SATB1: variants seen among roughly 807,000 people sequenced by gnomAD.
SATB1 encodes DNA-binding protein SATB1.
SATB1 carries 11 observed loss-of-function variants against 86.9 expected under a neutral mutation model. The observed-to-expected ratio is 0.13, with a 90% confidence interval of 0.08 to 0.21. The LOEUF (loss-of-function observed/expected upper bound fraction) is 0.21. Among genes scored for constraint, SATB1 ranks in the 10% least tolerant of loss-of-function variants. The pLI is 1.00. For synonymous variants in SATB1, 357 were observed against 357.2 expected (o/e 1.00, Z 0.01); for missense variants, 551 against 937.6 (o/e 0.59, Z 5.39).
chr3:18,401,394 C>T (rs1367323603), intron 5 of SATB1, among the ~76,000 whole-genome samples: 2 of 152,040 alleles, frequency 1.3e-5, no homozygotes, highest in South Asian at 4.2e-4. Context: ...TGCAAGAGAT[C>T]CCTTCCCAGG....
chr3:18,405,832 A>G (rs1697504969), intron 5 of SATB1, among the ~76,000 whole-genome samples: 3 of 151,942 alleles, frequency 2.0e-5, no homozygotes, highest in African/African-American at 7.2e-5. Flanking sequence ...TTTATTCATC[A>G]TTGTCAGCTT....
At chr3:18,417,772 G>C (rs921575150) in intron 2 of SATB1, 3 of 656,602 alleles carry the variant, frequency 4.6e-6, no homozygotes, top group Non-Finnish European at 8.2e-6. Context: ...AAGAGAGCAC[G>C]GTACCCATAA....
Position 18,416,042 on chromosome 3 carries a change from C to T in SATB1, c.480G>A (p.Val160=), listed in dbSNP as rs1698096141. The T allele has an allele frequency of 2.5e-6, 4 of 1,606,526 alleles. No homozygotes were observed. Among genetic ancestry groups the T allele is most frequent in the Non-Finnish European group, 3.4e-6 (4 of 1,175,488 alleles). ...GAATTTTCAATGTGACCACATGATA[C>T]ACATCTTGAAGCATATCTGCTACTG... ...DATVADMLQD[V]YHVVTLKIQL... is the part of the protein sequence containing the mutation. Residue 160 remains valine, a synonymous_variant, in exon 4 of 11, where the codon GTG becomes GTA. Coordinates refer to ENST00000338745, the MANE Select transcript of SATB1 (RefSeq NM_002971.6).
rs1694059756 is a variant in SATB1, at chr3:18,346,421, A to G, written c.*2749T>C. 6.6e-6 allele frequency: 1 copy of G among 152,154 alleles called. No homozygotes were observed. Among genetic ancestry groups the G allele is most frequent in the South Asian group, 2.1e-4 (1 of 4,834 alleles). 9.4% of individuals were successfully genotyped at this position (152,154 alleles called of 1,614,324 possible). A position where few individuals can be genotyped will look rare whatever the true frequency, so the allele number is the denominator to read the frequency against. On this transcript the variant is annotated 3_prime_UTR_variant, in exon 11 of 11. Transcript: ENST00000338745. ...CAATGAAGCTTGTTAAAGGAATTTTACCATAGCCACAGGTAACAAGAGGAG... is the reference window on the plus strand; with the variant it reads ...CAATGAAGCTTGTTAAAGGAATTTTGCCATAGCCACAGGTAACAAGAGGAG...
intron 6 of SATB1, among the ~76,000 whole-genome samples, chr3:18,396,809 T>C (rs1358500433): frequency 6.6e-6 from 1 of 152,122 alleles, no homozygotes; most frequent in East Asian, 1.9e-4. Context: ...AAATAGGCAC[T>C]TTCTCATTCA....
At chr3:18,425,438 A>G (rs1698646844), upstream of SATB1, 1 of 144,466 alleles carries the variant, frequency 6.9e-6, no homozygotes, top group African/African-American at 2.6e-5. Context: ...GGCAGGGTGC[A>G]CGGAGCGGGC....
intron 9 of SATB1, among the ~76,000 whole-genome samples, chr3:18,375,693 T>C (rs572660374): frequency 8.5e-5 from 13 of 152,294 alleles, no homozygotes; most frequent in African/African-American, 3.1e-4. Context: ...CTTTTCCTTA[T>C]TAAGTCGGGT....
intron 10 of SATB1, chr3:18,351,096 C>A (rs1694334718): frequency 1.8e-6 from 1 of 547,988 alleles, no homozygotes; most frequent in African/African-American, 1.9e-5. Flanking sequence ...ACTTTTCCAT[C>A]TAAATTCACA....
chr3:18,346,265 A>C lies in SATB1; in HGVS notation c.*2905T>G, dbSNP rs765616309. On this transcript the variant is annotated 3_prime_UTR_variant, in exon 11 of 11. Transcript: ENST00000338745. ...AAATTAGTGGCAAAGTGCTGAGTGAAGGGAATCCATGACAGATTCAGATGC... is the reference window on the plus strand; with the variant it reads ...AAATTAGTGGCAAAGTGCTGAGTGACGGGAATCCATGACAGATTCAGATGC... The C allele has an allele frequency of 2.6e-5, 4 of 152,154 alleles. No homozygotes were observed. The highest frequency in any genetic ancestry group is 4.4e-5 in the Non-Finnish European group (3 of 67,996). 9.4% of individuals were successfully genotyped at this position (152,154 alleles called of 1,614,324 possible).
intron 2 of SATB1, 199 bp downstream of exon 2, chr3:18,420,558 G>C: frequency 1.7e-6 from 1 of 586,830 alleles, no homozygotes; most frequent in East Asian, 2.9e-5. Context: ...GTCTACAGTA[G>C]AACGCTCCAC....
rs185859719 is a variant in SATB1 at position 18,357,603 on chromosome 3, T to G, written c.1576-5408A>C. Among the ~76,000 whole-genome samples the G allele has an allele frequency of 4.0e-5, 6 of 150,684 alleles. No homozygotes were observed. In the East Asian group the frequency reaches 1.2e-3, roughly 29 times the overall value. On this transcript the variant is annotated intron_variant, in intron 9 of 10. Transcript: ENST00000338745. Reference sequence around the variant, plus strand: ...GCACTCAAGGGTAATTTCATATCAGTGTGTTCTACAAGCTGGGGGAAAATG... The same window carrying G: ...GCACTCAAGGGTAATTTCATATCAGGGTGTTCTACAAGCTGGGGGAAAATG...
In SATB1 at chr3:18,355,648, AC is replaced by A. The variant is rs200018736; in HGVS notation, c.1576-3454del. ...AAATGCAGTGCTTTGTTGCAAAAAG[AC>A]AAAAAAAACACCAACAAAACAAAAC... On this transcript the variant is annotated intron_variant, in intron 9 of 10. Coordinates refer to ENST00000338745, the MANE Select transcript of SATB1 (RefSeq NM_002971.6). Among the ~76,000 whole-genome samples the A allele has an allele frequency of 3.2e-3, 487 of 151,942 alleles. 1 individual carries two copies. Among genetic ancestry groups the A allele is most frequent in the African/African-American group, 0.011 (439 of 41,454 alleles).
intron 8 of SATB1, among the ~76,000 whole-genome samples, chr3:18,381,946 G>T (rs1031327344): frequency 2.0e-5 from 3 of 151,998 alleles, no homozygotes; most frequent in Non-Finnish European, 4.4e-5. Flanking sequence ...GCCTTTAAAA[G>T]TCTTCCAGCT....
intron 1 of SATB1, among the ~76,000 whole-genome samples, chr3:18,438,235 T>A (rs930209403): frequency 6.6e-6 from 1 of 152,194 alleles, no homozygotes; most frequent in African/African-American, 2.4e-5. Context: ...TATAGAGGAA[T>A]CTCTAGCAAT....
At position 18,394,614 on chromosome 3, in the gene SATB1, G is replaced by T. The variant is rs768225783; in HGVS notation, c.1054C>A (p.Pro352Thr). The T allele has an allele frequency of 1.2e-6, 2 of 1,614,162 alleles. No individual in the cohort carries two copies. Among genetic ancestry groups the T allele is most frequent in the Non-Finnish European group, 1.7e-6 (2 of 1,180,034 alleles). ...GGCTTATTCATAGATCTACTGACAG[G>T]GGGAGGGTGGTTCAAGTATTGTTGG... Reference protein sequence around the residue: ...LNQQYLNHPPPVSRSMNKPLE... With the variant: ...LNQQYLNHPPTVSRSMNKPLE... Residue 352 changes from proline to threonine, a missense_variant, in exon 7 of 11, where the codon CCT becomes ACT. This residue lies in a region of SATB1 where 119 missense variants were observed against 171.1 expected (regional missense o/e 0.70). Coordinates refer to ENST00000338745, the MANE Select transcript of SATB1 (RefSeq NM_002971.6). The surrounding 1 kb of genome is among the most constrained non-coding windows in gnomAD (Gnocchi z 5.9).
intron 9 of SATB1, among the ~76,000 whole-genome samples, chr3:18,373,510 T>G (rs1489836607): frequency 4.6e-5 from 7 of 152,228 alleles, no homozygotes; most frequent in Admixed American, 3.9e-4. Context: ...AGATCTATTT[T>G]CAGCAATGAA....
intron 4 of SATB1, among the ~76,000 whole-genome samples, 192 bp downstream of exon 4, chr3:18,415,815 G>C (rs533536444): frequency 1.3e-5 from 2 of 151,852 alleles, no homozygotes; most frequent in Non-Finnish European, 2.9e-5. Flanking sequence ...GTGTGTGGGG[G>C]GGGGGATTGC....
At chr3:18,362,576 G>C (rs1694954532) in intron 9 of SATB1, among the ~76,000 whole-genome samples, 1 of 151,542 alleles carries the variant, frequency 6.6e-6, no homozygotes, top group Non-Finnish European at 1.5e-5. Context: ...GGTTCAAATT[G>C]AGCTCAGCAT....
intron 1 of SATB1, 84 bp from the exon 2 acceptor site, chr3:18,421,075 T>C: frequency 1.2e-6 from 1 of 848,790 alleles, no homozygotes; most frequent in Non-Finnish European, 1.9e-6. Flanking sequence ...GTTTTAGCTC[T>C]AGATATCTCT....
Sources: allele counts gnomAD v4.1 joint callset (sites outside exome capture counted in the v4.1 genomes callset), GRCh38; gene constraint gnomAD v4.1.1; regional missense constraint gnomAD v4.1.1; non-coding constraint Gnocchi (gnomAD v3.1); transcripts MANE v1.5; gene names NCBI Gene and HGNC (gene_info 2026-07-23, HGNC 2026-07-21).